CHLSN: variants seen among roughly 807,000 people sequenced by gnomAD.
The protein encoded by CHLSN is protein cholesin.
At chr7:1,028,899 T>C in the CHLSN span, 1 of 658,062 alleles carries the variant, frequency 1.5e-6, no homozygotes, top group Non-Finnish European at 1.8e-6. Context: ...TCTGACTCCA[T>C]GTCCCCCCAT....
chr7:1,064,387 A>G, the CHLSN span, among the ~76,000 whole-genome samples: 3 of 151,944 alleles, frequency 2.0e-5, no homozygotes, highest in Non-Finnish European at 4.4e-5. Flanking sequence ...TGCTCCAGGG[A>G]CTCTGAGGAG....
chr7:1,136,599 T>TATAAACATAAACATATATAAAC, the CHLSN span, among the ~76,000 whole-genome samples: 11 of 143,178 alleles, frequency 7.7e-5, no homozygotes, highest in African/African-American at 2.8e-4. Context: ...TATATAAACA[T>TATAAACATAAACATATATAAAC]ATATAAATAT....
the CHLSN span, among the ~76,000 whole-genome samples, chr7:1,117,375 C>T: frequency 2.7e-5 from 3 of 109,964 alleles, no homozygotes; most frequent in Non-Finnish European, 5.5e-5. Flanking sequence ...CTCTACGGAC[C>T]GGCTTCCATC....
At chr7:1,085,265 A>T in the CHLSN span, among the ~76,000 whole-genome samples, 1 of 152,246 alleles carries the variant, frequency 6.6e-6, no homozygotes, top group Non-Finnish European at 1.5e-5. Context: ...ATGAACAGAA[A>T]AATATTTTCA....
the CHLSN span, chr7:1,086,975 G>A: frequency 6.6e-6 from 1 of 152,282 alleles, no homozygotes; most frequent in Non-Finnish European, 1.5e-5. Flanking sequence ...GGTGCCTGAG[G>A]ACCCCTTCGG....
the CHLSN span, among the ~76,000 whole-genome samples, chr7:1,060,408 C>T: frequency 6.6e-6 from 1 of 152,144 alleles, no homozygotes; most frequent in Non-Finnish European, 1.5e-5. Context: ...CTGCCCTGAG[C>T]GCCCCGGGGT....
the CHLSN span, among the ~76,000 whole-genome samples, chr7:1,094,477 T>C: frequency 5.3e-5 from 8 of 152,208 alleles, no homozygotes. Context: ...TGCAAACATA[T>C]TGAAAGGAAA....
the CHLSN span, among the ~76,000 whole-genome samples, chr7:1,071,951 C>A: frequency 6.6e-6 from 1 of 152,204 alleles, no homozygotes; most frequent in Non-Finnish European, 1.5e-5. Context: ...ACCTGGTCGG[C>A]ACACGTGGGG....
chr7:1,115,558 G>A, the CHLSN span, among the ~76,000 whole-genome samples: 9 of 135,746 alleles, frequency 6.6e-5, 1 homozygote, highest in South Asian at 4.8e-4. Context: ...CAGCTCTACG[G>A]ACAGGCTTCC....
chr7:1,034,885 G>C, the CHLSN span, among the ~76,000 whole-genome samples: 7 of 151,934 alleles, frequency 4.6e-5, no homozygotes, highest in Admixed American at 3.9e-4. Flanking sequence ...CTTATAGTGA[G>C]AACATGTGGT....
At chr7:1,107,015 C>A in the CHLSN span, among the ~76,000 whole-genome samples, 1,023 of 152,308 alleles carry the variant, frequency 6.7e-3, 8 homozygotes, top group African/African-American at 0.023. Context: ...CTGCCAGCAC[C>A]AGCCTCCTTG....
At chr7:1,019,969 G>A in the CHLSN span, among the ~76,000 whole-genome samples, 1 of 152,240 alleles carries the variant, frequency 6.6e-6, no homozygotes, top group Admixed American at 6.5e-5. Context: ...CTGGACGAGG[G>A]CAGCTTAGGA....
the CHLSN span, among the ~76,000 whole-genome samples, chr7:1,083,039 G>A: frequency 6.9e-4 from 105 of 152,292 alleles, no homozygotes; most frequent in African/African-American, 2.5e-3. Context: ...CGGATATTCC[G>A]CCATGTGCTC....
At chr7:1,006,542 A>G in the CHLSN span, among the ~76,000 whole-genome samples, 1 of 148,304 alleles carries the variant, frequency 6.7e-6, no homozygotes, top group Non-Finnish European at 1.5e-5. Context: ...AGAGCACACG[A>G]CGGCCACAGC....
the CHLSN span, among the ~76,000 whole-genome samples, chr7:1,052,830 G>A: frequency 6.6e-6 from 1 of 152,142 alleles, no homozygotes; most frequent in Non-Finnish European, 1.5e-5. This position sits in a 1 kb window ranked among gnomAD's most constrained non-coding sequence, Gnocchi z 4.2. Flanking sequence ...GGGTTGGGGG[G>A]CAGGCGGCCC....
the CHLSN span, chr7:986,274 C>T: frequency 3.9e-6 from 1 of 256,140 alleles, no homozygotes; most frequent in Non-Finnish European, 7.5e-6. Context: ...TCAGTGGCGG[C>T]CCTGACTCTC....
At chr7:1,007,055 G>C in the CHLSN span, among the ~76,000 whole-genome samples, 31 of 152,194 alleles carry the variant, frequency 2.0e-4, no homozygotes, top group Admixed American at 2.0e-4. Flanking sequence ...GCGCTGGGTC[G>C]ACGTGTCTTG....
the CHLSN span, among the ~76,000 whole-genome samples, chr7:1,036,004 G>A: frequency 6.6e-6 from 1 of 152,218 alleles, no homozygotes; most frequent in Non-Finnish European, 1.5e-5. Flanking sequence ...AGTGACAGGT[G>A]CCGGCTGAAA....
the CHLSN span, among the ~76,000 whole-genome samples, chr7:1,109,837 T>A: frequency 2.0e-4 from 31 of 152,072 alleles, no homozygotes; most frequent in Admixed American, 3.9e-4. Flanking sequence ...TGACTTTCGG[T>A]CCAGATGCCA....
Sources: allele counts gnomAD v4.1 joint callset (sites outside exome capture counted in the v4.1 genomes callset), GRCh38; gene constraint gnomAD v4.1.1; non-coding constraint Gnocchi (gnomAD v3.1); transcripts MANE v1.5; gene names NCBI Gene and HGNC (gene_info 2026-07-23, HGNC 2026-07-21).